STARD9: variants seen among roughly 807,000 people sequenced by gnomAD.
The protein encoded by STARD9 is StAR related lipid transfer domain containing 9, also known as stAR-related lipid transfer protein 9.
STARD9 carries 346 observed loss-of-function variants against 399.8 expected under a neutral mutation model. That is an observed-to-expected ratio of 0.87 (90% CI 0.79 to 0.95). STARD9 has a LOEUF of 0.95. STARD9 is among the 40% of genes least tolerant of loss of function. The pLI is 0.00. For synonymous variants in STARD9, 2,203 were observed against 2,143.5 expected (o/e 1.03, Z -0.77); for missense variants, 5,832 against 5,667.5 (o/e 1.03, Z -0.93).
At chr15:42,583,040 T>G (rs1263457818) in intron 1 of STARD9, among the ~76,000 whole-genome samples, 1 of 152,224 alleles carries the variant, frequency 6.6e-6, no homozygotes, top group Non-Finnish European at 1.5e-5. Context: ...GCAAGCTATG[T>G]CAGGAGGATA....
At position 42,694,242 on chromosome 15, in the gene STARD9, G is replaced by C. The variant is rs1433661026; in HGVS notation, c.12664G>C (p.Gly4222Arg). Reference sequence around the variant, plus strand: ...AGAAGCGAAACTGCACCATGGCTTTGGGGAGGCCGATGCCCTGCTCCAGGT... The same window carrying C: ...AGAAGCGAAACTGCACCATGGCTTTCGGGAGGCCGATGCCCTGCTCCAGGT... ...LTEAKLHHGF[G>R]EADALLQVLQ... The change falls in exon 23 of 33, where the codon GGG becomes CGG. Residue 4222 changes from glycine to arginine, a missense_variant. Physicochemically the swap from Gly to Arg is moderately radical, Grantham distance 125. Around this residue, in one of 2 missense-constraint regions of STARD9, gnomAD observed 5,828 missense variants for 5,651.1 expected, o/e 1.03. Coordinates refer to ENST00000290607, the MANE Select transcript of STARD9 (RefSeq NM_020759.3). The C allele has an allele frequency of 3.9e-6, 6 of 1,532,916 alleles. No individual in the cohort carries two copies. The highest frequency in any genetic ancestry group is 8.7e-7 in the Non-Finnish European group (1 of 1,144,692). 95.0% of individuals were successfully genotyped at this position (1,532,916 alleles called of 1,614,324 possible).
intron 20 of STARD9, among the ~76,000 whole-genome samples, chr15:42,678,856 C>G (rs1291863106): frequency 6.6e-6 from 1 of 152,216 alleles, no homozygotes; most frequent in African/African-American, 2.4e-5. Context: ...TTCTTTTTCA[C>G]CTGCTTTCTG....
chr15:42,660,094 A>G (rs964619513), intron 9 of STARD9, among the ~76,000 whole-genome samples: 10 of 152,194 alleles, frequency 6.6e-5, no homozygotes, highest in African/African-American at 2.4e-4. Flanking sequence ...GTACAGTGAA[A>G]AGAGCTAGAT....
chr15:42,691,085 A>G lies in STARD9; in HGVS notation c.9507A>G (p.Arg3169=). ...PQHECLENTT[R]CFLEKPQFST... is the part of the protein sequence containing the mutation. ...ATGAATGTTTAGAAAATACCACTAG[A>G]TGTTTTTTGGAAAAGCCACAATTTT... Residue 3169 remains arginine, a synonymous_variant, in exon 23 of 33, where the codon AGA becomes AGG. Coordinates refer to ENST00000290607, the MANE Select transcript of STARD9 (RefSeq NM_020759.3). The G allele has an allele frequency of 1.3e-6, 2 of 1,537,168 alleles. No homozygotes were observed. The highest frequency in any genetic ancestry group is 8.7e-7 in the Non-Finnish European group (1 of 1,146,900).
intron 14 of STARD9, 42 bp from the exon 15 acceptor site, chr15:42,665,744 C>G (rs900046340): frequency 1.3e-6 from 2 of 1,518,812 alleles, no homozygotes; most frequent in Non-Finnish European, 1.8e-6. Flanking sequence ...ACCTGAAGTT[C>G]AGACCAGGAA....
At chr15:42,581,379 G>T in intron 1 of STARD9, 1 of 1,480,830 alleles carries the variant, frequency 6.8e-7, no homozygotes, top group South Asian at 1.2e-5. Flanking sequence ...CCCCTCGGGC[G>T]TGGTGCAATA....
At chr15:42,609,062 G>A (rs905041601) in intron 3 of STARD9, among the ~76,000 whole-genome samples, 7 of 151,942 alleles carry the variant, frequency 4.6e-5, no homozygotes, top group African/African-American at 1.7e-4. Context: ...GACAGTTCCG[G>A]GCATCCCTAG....
intron 3 of STARD9, among the ~76,000 whole-genome samples, chr15:42,610,822 C>T (rs1566872603): frequency 6.6e-6 from 1 of 152,226 alleles, no homozygotes; most frequent in Non-Finnish European, 1.5e-5. Flanking sequence ...GCTGGGATTA[C>T]AGGCGTGAGC....
Position 42,651,080 on chromosome 15 carries a change from A to T in STARD9, c.624A>T (p.Ala208=). The T allele has an allele frequency of 6.5e-7, 1 of 1,533,204 alleles. No homozygotes were observed. The highest frequency in any genetic ancestry group is 8.7e-7 in the Non-Finnish European group (1 of 1,143,710). The allele number at this position is 1,533,204 out of a possible 1,614,324, so 95.0% of individuals were successfully genotyped here. ...TCCAACTCTTGGAGGAGGGAATTGC[A>T]AACAGGTAACAGGTTTGTTTGTTTC... ...QVIQLLEEGI[A]NRITAATHVH... The change falls in exon 8 of 33, where the codon GCA becomes GCT. Residue 208 remains alanine (A), a synonymous_variant. Coordinates refer to ENST00000290607, the MANE Select transcript of STARD9 (RefSeq NM_020759.3).
Position 42,575,660 on chromosome 15 carries a change from G to C in STARD9, c.-56G>C. 6.5e-7 allele frequency: 1 copy of C among 1,526,890 alleles called. No individual in the cohort carries two copies. The highest frequency in any genetic ancestry group is 8.8e-7 in the Non-Finnish European group (1 of 1,139,392). The allele number at this position is 1,526,890 out of a possible 1,614,324, so 94.6% of individuals were successfully genotyped here. A position where few individuals can be genotyped will look rare whatever the true frequency, so the allele number is the denominator to read the frequency against. On this transcript the variant is annotated 5_prime_UTR_variant, in exon 1 of 33. Coordinates refer to ENST00000290607, the MANE Select transcript of STARD9 (RefSeq NM_020759.3). Reference sequence around the variant, plus strand: ...TGGGGCTGTGTCTGGGCTTAGGGCGGGGGCCTGGGATGCTGCCGCTGAGCT... The same window carrying C: ...TGGGGCTGTGTCTGGGCTTAGGGCGCGGGCCTGGGATGCTGCCGCTGAGCT...
intron 9 of STARD9, among the ~76,000 whole-genome samples, chr15:42,655,003 C>T (rs956094720): frequency 2.0e-5 from 3 of 152,160 alleles, no homozygotes; most frequent in Non-Finnish European, 4.4e-5. Context: ...AAATCTGGGC[C>T]AGGCGCAGTG....
chr15:42,697,998 T>C (rs2060880522), intron 26 of STARD9, among the ~76,000 whole-genome samples: 1 of 152,218 alleles, frequency 6.6e-6, no homozygotes, highest in Non-Finnish European at 1.5e-5. Flanking sequence ...GCATACAAAA[T>C]AAAGCATATT....
rs1239499042 is a variant in STARD9, at chr15:42,690,473, T to C, written c.8895T>C (p.His2965=). The C allele has an allele frequency of 1.5e-5, 23 of 1,537,252 alleles. No homozygotes were observed. Among genetic ancestry groups the C allele is most frequent in the Non-Finnish European group, 2.0e-5 (23 of 1,146,920 alleles). ...GCAGTTCTCAACCTGTTGCTACTCA[T>C]GCTTATTCCTCCCATTCCTCTACTT... ...QPCSSQPVAT[H]AYSSHSSTLL... The change falls in exon 23 of 33, where the codon CAT becomes CAC. Residue 2965 remains histidine, a synonymous_variant. Transcript: ENST00000290607.
chr15:42,629,635 A>G (rs919543303), intron 3 of STARD9, among the ~76,000 whole-genome samples: 23 of 152,132 alleles, frequency 1.5e-4, no homozygotes, highest in African/African-American at 5.3e-4. Context: ...TGCTCTAGCT[A>G]GGACTTCTAC....
At chr15:42,704,710 C>T (rs2061039155) in intron 26 of STARD9, among the ~76,000 whole-genome samples, 1 of 152,180 alleles carries the variant, frequency 6.6e-6, no homozygotes, top group Admixed American at 6.5e-5. Context: ...GGGCCCTGAA[C>T]CAGGTGCTGG....
chr15:42,712,203 G>A (rs545376738), intron 26 of STARD9, among the ~76,000 whole-genome samples: 4 of 133,480 alleles, frequency 3.0e-5, no homozygotes, highest in South Asian at 2.4e-4. Flanking sequence ...TTTAAGATTC[G>A]GTTATTTGTC....
At chr15:42,700,094 G>A (rs950019357) in intron 26 of STARD9, among the ~76,000 whole-genome samples, 3 of 152,200 alleles carry the variant, frequency 2.0e-5, no homozygotes, top group Admixed American at 6.5e-5. Flanking sequence ...GTTCACCCAT[G>A]TTGCCACAAA....
intron 1 of STARD9, among the ~76,000 whole-genome samples, chr15:42,577,831 A>G (rs1381603496): frequency 6.6e-6 from 1 of 152,216 alleles, no homozygotes; most frequent in Non-Finnish European, 1.5e-5. Context: ...TCTGGTGATT[A>G]TGTGGTTTGT....
chr15:42,602,952 C>T (rs1041606432), intron 3 of STARD9, among the ~76,000 whole-genome samples: 1 of 152,130 alleles, frequency 6.6e-6, no homozygotes, highest in African/African-American at 2.4e-5. Context: ...CCTTAGGTTC[C>T]CTGCCTCTAG....
Sources: gnomAD v4.1 joint callset for allele counts (sites outside exome capture counted in the v4.1 genomes callset) on GRCh38, gnomAD v4.1.1 for gene constraint, gnomAD v4.1.1 regional missense constraint, MANE v1.5 for transcripts, NCBI Gene and HGNC (gene_info 2026-07-23, HGNC 2026-07-21) for gene names.